The following HPS4 variants were observed in gnomAD, a reference collection of about 807,000 sequenced individuals.
HPS4 encodes the protein HPS4 biogenesis of lysosomal organelles complex 3 subunit 2.
HPS4 carries 44 observed loss-of-function variants against 70.3 expected under a neutral mutation model. That is an observed-to-expected ratio of 0.63 (90% CI 0.49 to 0.80). The LOEUF (loss-of-function observed/expected upper bound fraction) is 0.80. Ranked by LOEUF, HPS4 falls within the 30% of genes least tolerant of loss-of-function variation. The pLI, the probability that HPS4 is intolerant of heterozygous loss-of-function variation, is 0.00. For missense variants in HPS4, 873 were observed against 884.4 expected (o/e 0.99, Z 0.16); for synonymous variants, 377 against 355.9 (o/e 1.06, Z -0.67).
At chr22:26,443,668 C>T (rs2084877651), downstream of HPS4, 1 of 151,178 alleles carries the variant, frequency 6.6e-6, no homozygotes, top group African/African-American at 2.4e-5. Flanking sequence ...AGCTAGAGAA[C>T]TTGGCCTCTG....
intron 1 of HPS4, 140 bp downstream of exon 1, chr22:26,483,534 G>C (rs41281587): frequency 0.11 from 18,030 of 168,586 alleles, 1,321 homozygotes; most frequent in Non-Finnish European, 0.16. Context: ...AACAGCACTA[G>C]GGCTGTGCGG....
chr22:26,461,958 C>A (rs972267790), intron 11 of HPS4, among the ~76,000 whole-genome samples: 5 of 152,032 alleles, frequency 3.3e-5, no homozygotes, highest in Non-Finnish European at 7.4e-5. Flanking sequence ...GAAACCCCGT[C>A]TCTACTAAAA....
chr22:26,466,043 A>G, intron 9 of HPS4, 183 bp downstream of exon 9: 4 of 1,535,164 alleles, frequency 2.6e-6, no homozygotes, highest in Non-Finnish European at 3.5e-6. Context: ...CTAAAATCAT[A>G]GCTTTACCAT....
At chr22:26,449,892 G>C (rs910295088), downstream of HPS4, among the ~76,000 whole-genome samples, 1 of 152,272 alleles carries the variant, frequency 6.6e-6, no homozygotes, top group Middle Eastern at 3.4e-3. Context: ...TCAGTTTCAC[G>C]GGACCGAATT....
At chr22:26,458,802 T>C (rs1016667745) in intron 11 of HPS4, among the ~76,000 whole-genome samples, 8 of 148,384 alleles carry the variant, frequency 5.4e-5, no homozygotes, top group South Asian at 2.1e-4. Flanking sequence ...GCCTGGGTGA[T>C]AGAGTGAGAC....
At position 26,481,777 on chromosome 22, in the gene HPS4, T is replaced by C. The variant is rs2091313262; in HGVS notation, c.-15A>G. ...GAGGTGGCCATCTACTGTGCAGTCA[T>C]CCTCATTCTCTTCATTTAGGTTTTC... On this transcript the variant is annotated 5_prime_UTR_variant, in exon 2 of 14. The change abolishes an upstream ATG in the 5' untranslated region. Transcript: ENST00000398145. 6.2e-7 allele frequency: 1 copy of C among 1,613,632 alleles called. No individual in the cohort carries two copies. The highest frequency in any genetic ancestry group is 8.5e-7 in the Non-Finnish European group (1 of 1,179,522).
chr22:26,459,504 G>A (rs1398823332), intron 11 of HPS4, among the ~76,000 whole-genome samples: 1 of 152,148 alleles, frequency 6.6e-6, no homozygotes, highest in Admixed American at 6.5e-5. Flanking sequence ...TTTAATGGCT[G>A]TGCAGTGTTC....
chr22:26,458,419 C>A, intron 12 of HPS4, 26 bp downstream of exon 12: 3 of 1,613,994 alleles, frequency 1.9e-6, no homozygotes, highest in African/African-American at 1.3e-5. Flanking sequence ...ATCCCCGTCG[C>A]CCCAGGCCCC....
Position 26,464,114 on chromosome 22 carries a change from G to C in HPS4, c.1516C>G (p.Leu506Val), listed in dbSNP as rs1184590218. 1.1e-5 allele frequency: 17 copies of C among 1,614,272 alleles called. No homozygotes were observed. Among genetic ancestry groups the C allele is most frequent in the Non-Finnish European group, 1.4e-5 (17 of 1,180,054 alleles). ...TTTGCTGAGCCTGAACTGCATTCCA[G>C]ACCAGGGGCTGCGTGGCTTTCACAG... is the stretch of plus-strand genomic sequence containing the variant. ...GVCESHAAPG[L>V]ECSSGSANCQ... Residue 506 changes from leucine (L) to valine (V), a missense_variant, in exon 11 of 14, where the codon CTG (leucine) becomes GTG (valine). Leu to Val is a conservative substitution (Grantham distance 32, BLOSUM62 1). Coordinates refer to ENST00000398145, the MANE Select transcript of HPS4 (RefSeq NM_022081.6).
Position 26,453,280 on chromosome 22 carries a change from C to T in HPS4, c.2080G>A (p.Gly694Ser), listed in dbSNP as rs779739799. ...NPQDGAFSLS[G>S]KAKQKLLKHG... ...TTCAGCAGCTTCTGCTTTGCTTTGC[C>T]GGAGAGGCTGAAGGCGCCATCCTGA... The change falls in exon 14 of 14, where the codon GGC (glycine) becomes AGC (serine). Residue 694 changes from glycine to serine, a missense_variant. Transcript: ENST00000398145. 8.7e-6 allele frequency: 14 copies of T among 1,614,070 alleles called. No homozygotes were observed. The East Asian group carries it at 8.9e-5, about 10-fold the overall frequency.
chr22:26,445,193 GT>G (rs2084912362), intron 3 of HPS4, among the ~76,000 whole-genome samples: 1 of 152,186 alleles, frequency 6.6e-6, no homozygotes, highest in African/African-American at 2.4e-5. Flanking sequence ...AACTAGCTGA[GT>G]GTGGTGGTGC....
At chr22:26,456,808 G>A (rs527931004) in intron 13 of HPS4, among the ~76,000 whole-genome samples, 25 of 152,150 alleles carry the variant, frequency 1.6e-4, no homozygotes, top group African/African-American at 5.8e-4. Flanking sequence ...CAGTCTCCTC[G>A]GGCTTTTATA....
At chr22:26,473,737 G>A (rs1034504120) in intron 4 of HPS4, among the ~76,000 whole-genome samples, 6 of 151,222 alleles carry the variant, frequency 4.0e-5, no homozygotes, top group South Asian at 4.2e-4. Flanking sequence ...GCGAGACACC[G>A]TCTCAAAAAA....
chr22:26,479,007 G>A (rs1312802516), intron 3 of HPS4, among the ~76,000 whole-genome samples: 1 of 152,104 alleles, frequency 6.6e-6, no homozygotes, highest in Non-Finnish European at 1.5e-5. Flanking sequence ...TAAAAACCAA[G>A]CTGATCAAAA....
Position 26,481,872 on chromosome 22 carries a change from G to T in HPS4, c.-110C>A. 1 of 1,100,824 alleles carries T rather than the reference G, an allele frequency of 9.1e-7. No individual in the cohort carries two copies. 68.2% of individuals were successfully genotyped at this position (1,100,824 alleles called of 1,614,324 possible). ...ATCCCCCAATCCAGTGAATCTGGAC[G>T]TGGTAGGTTTCAGTGTTTTCAGTCA... On this transcript the variant is annotated 5_prime_UTR_variant, in exon 2 of 14. Transcript: ENST00000398145.
At chr22:26,443,946 G>A (rs1466925934), downstream of HPS4, 1 of 152,242 alleles carries the variant, frequency 6.6e-6, no homozygotes, top group East Asian at 1.9e-4. Context: ...GTGTCCCCCA[G>A]CACCAAGCTG....
At chr22:26,479,633 A>G in intron 2 of HPS4, 1 of 1,306,382 alleles carries the variant, frequency 7.7e-7, no homozygotes, top group Non-Finnish European at 9.7e-7. Context: ...GCCCACAATG[A>G]CTGCTCTTAT....
intron 10 of HPS4, 81 bp downstream of exon 10, chr22:26,465,374 T>C: frequency 1.1e-6 from 1 of 924,748 alleles, no homozygotes; most frequent in Non-Finnish European, 1.8e-6. Flanking sequence ...ATGGGATGTA[T>C]CAGAGGTTTG....
chr22:26,454,776 C>T (rs1265533176), intron 13 of HPS4, among the ~76,000 whole-genome samples: 2 of 152,110 alleles, frequency 1.3e-5, no homozygotes, highest in African/African-American at 2.4e-5. Context: ...AAAGAAACTA[C>T]CATCAGAGTG....
Sources: gnomAD v4.1 joint callset for allele counts (sites outside exome capture counted in the v4.1 genomes callset) on GRCh38, gnomAD v4.1.1 for gene constraint, MANE v1.5 for transcripts, NCBI Gene and HGNC (gene_info 2026-07-23, HGNC 2026-07-21) for gene names.